Variants in UBE2V2 observed in about 807,000 individuals in gnomAD.
UBE2V2 encodes ubiquitin conjugating enzyme E2 V2, also known as ubiquitin-conjugating enzyme E2 variant 2.
Under a neutral mutation model 17.2 loss-of-function variants are expected in UBE2V2, and 9 were observed. That is an observed-to-expected ratio of 0.52 (90% CI 0.32 to 0.91). The LOEUF is 0.91. UBE2V2 is among the 40% of genes least tolerant of loss of function. UBE2V2 has a pLI of 0.04. For missense variants in UBE2V2, 133 were observed against 182.6 expected (o/e 0.73, Z 1.56); for synonymous variants, 61 against 57.5 (o/e 1.06, Z -0.28).
chr8:48,021,073 A>G (rs894981908), intron 1 of UBE2V2, among the ~76,000 whole-genome samples: 1 of 141,088 alleles, frequency 7.1e-6, no homozygotes, highest in Non-Finnish European at 1.6e-5. Flanking sequence ...TTTATCTATT[A>G]TAGGTTTTTT....
intron 1 of UBE2V2, chr8:48,041,679 AG>A (rs1209994618): frequency 6.6e-6 from 1 of 152,242 alleles, no homozygotes; most frequent in East Asian, 1.9e-4. Flanking sequence ...AAAAAAAGGT[AG>A]GAATACTTTC....
At chr8:48,010,689 G>C (rs369592349) in intron 1 of UBE2V2, among the ~76,000 whole-genome samples, 54 of 146,600 alleles carry the variant, frequency 3.7e-4, no homozygotes, top group African/African-American at 6.5e-4. Flanking sequence ...ACTGCGCCTG[G>C]GTTTGTTTGT....
intron 1 of UBE2V2, among the ~76,000 whole-genome samples, chr8:48,021,346 G>A (rs1365758705): frequency 1.2e-4 from 16 of 131,972 alleles, no homozygotes; most frequent in South Asian, 1.2e-3. Context: ...TCGCTCTGTC[G>A]CCCACGCTGG....
At chr8:48,039,217 A>G (rs1375783078) in intron 1 of UBE2V2, among the ~76,000 whole-genome samples, 3 of 152,148 alleles carry the variant, frequency 2.0e-5, no homozygotes, top group South Asian at 2.1e-4. Flanking sequence ...TGATTTTTAA[A>G]TATCTTTTCC....
At chr8:48,003,001 A>G in the UBE2V2 span, among the ~76,000 whole-genome samples, 101 of 152,044 alleles carry the variant, frequency 6.6e-4, no homozygotes, top group Non-Finnish European at 9.3e-4. Flanking sequence ...CATGAGGTCA[A>G]GAGATTGAGA....
At chr8:48,038,042 TTC>T (rs988662055) in intron 1 of UBE2V2, among the ~76,000 whole-genome samples, 11 of 152,140 alleles carry the variant, frequency 7.2e-5, no homozygotes, top group Admixed American at 5.2e-4. Flanking sequence ...TTGCCCAGCA[TTC>T]TCTCTCTCTT....
At chr8:47,999,883 G>A in the UBE2V2 span, among the ~76,000 whole-genome samples, 2 of 152,300 alleles carry the variant, frequency 1.3e-5, no homozygotes, top group South Asian at 4.1e-4. Context: ...CAACTCTAAG[G>A]GGGTCCACAT....
intron 1 of UBE2V2, among the ~76,000 whole-genome samples, chr8:48,028,338 CTT>C (rs775995878): frequency 1.4e-4 from 18 of 127,264 alleles, no homozygotes; most frequent in Non-Finnish European, 1.5e-4. Flanking sequence ...CGGCTGTTTT[CTT>C]TTTTTTTTTT....
In UBE2V2 at chr8:48,043,038, A is replaced by G; in HGVS notation, c.22A>G (p.Lys8Glu). The change falls in exon 2 of 4, where the codon AAA becomes GAA. Residue 8 changes from lysine to glutamate, a missense_variant. Lys to Glu is a moderately conservative substitution (Grantham distance 56). Around this residue, in one of 3 missense-constraint regions of UBE2V2, gnomAD observed 27 missense variants for 20.1 expected, o/e 1.34. Coordinates refer to ENST00000523111, the MANE Select transcript of UBE2V2 (RefSeq NM_003350.3). ...ACTGACGTTCTTTTGTATAGGAGTT[A>G]AAGTTCCTCGTAATTTTCGCTTGTT... MAVSTGVKVPRNFRLLEE... is the reference protein window; with the variant it reads MAVSTGVEVPRNFRLLEE... The G allele has an allele frequency of 6.4e-7, 1 of 1,560,736 alleles. No homozygotes were observed. The highest frequency in any genetic ancestry group is 1.2e-5 in the South Asian group (1 of 81,104).
chr8:48,025,289 A>G (rs981580277), intron 1 of UBE2V2, among the ~76,000 whole-genome samples: 2 of 140,938 alleles, frequency 1.4e-5, no homozygotes, highest in Non-Finnish European at 1.5e-5. Context: ...TTTTTTTGAG[A>G]TGGAGTCTCA....
intron 1 of UBE2V2, among the ~76,000 whole-genome samples, chr8:48,040,448 C>G (rs2091454017): frequency 6.6e-6 from 1 of 152,142 alleles, no homozygotes; most frequent in Admixed American, 6.6e-5. Context: ...TGCCTCTATT[C>G]TCTTTACTGA....
At chr8:48,046,188 C>G (rs368703782) in intron 2 of UBE2V2, among the ~76,000 whole-genome samples, 1 of 151,960 alleles carries the variant, frequency 6.6e-6, no homozygotes, top group South Asian at 2.1e-4. Flanking sequence ...GGCGCCATCT[C>G]GGCTCACTGC....
At chr8:48,056,037 C>T (rs771251521) in intron 3 of UBE2V2, among the ~76,000 whole-genome samples, 1 of 152,158 alleles carries the variant, frequency 6.6e-6, no homozygotes, top group African/African-American at 2.4e-5. Context: ...GGATTACAGG[C>T]GTGAGCCACG....
rs1334789056 is a variant in UBE2V2, at chr8:48,060,799, C to A, written c.409C>A (p.Pro137Thr). The change falls in exon 4 of 4, where the codon CCA (proline) becomes ACA (threonine). Residue 137 changes from proline (P) to threonine (T), a missense_variant. By Grantham distance (38) the Pro-to-Thr change is conservative (BLOSUM62 -1). Coordinates refer to ENST00000523111, the MANE Select transcript of UBE2V2 (RefSeq NM_003350.3). ...MSKENMKLPQ[P>T]PEGQTYNN ...CAAAGAAAATATGAAGCTTCCACAG[C>A]CACCAGAAGGACAAACATACAACAA... 2 of 1,547,504 alleles carry A rather than the reference C, an allele frequency of 1.3e-6. No individual in the cohort carries two copies. The highest frequency in any genetic ancestry group is 1.7e-6 in the Non-Finnish European group (2 of 1,148,972).
intron 2 of UBE2V2, among the ~76,000 whole-genome samples, chr8:48,044,042 A>G (rs1470499304): frequency 6.6e-6 from 1 of 151,552 alleles, no homozygotes; most frequent in African/African-American, 2.4e-5. Context: ...AAGAGCACAC[A>G]TTTGAAGGGT....
rs1336823968 is a variant in UBE2V2, at chr8:48,049,867, CAG to C, written c.182_183del (p.Arg61AsnfsTer3). On this transcript the variant is annotated frameshift_variant, in exon 3 of 4. Coordinates refer to ENST00000523111, the MANE Select transcript of UBE2V2 (RefSeq NM_003350.3). LOFTEE classifies it high-confidence loss of function. ...TTGCCTTCCAGACAAATTATGAAAACAGAATATATAGCCTGAAAGTAGAATGT... is the reference window on the plus strand; with the variant it reads ...TTGCCTTCCAGACAAATTATGAAAACAATATATAGCCTGAAAGTAGAATGT... ...IGPPRTNYEN[R>X]IYSLKVECGP... 1.3e-6 allele frequency: 2 copies of C among 1,582,002 alleles called. No individual in the cohort carries two copies. Among genetic ancestry groups the C allele is most frequent in the Non-Finnish European group, 1.7e-6 (2 of 1,168,194 alleles).
At chr8:48,058,637 T>G (rs567536663) in intron 3 of UBE2V2, among the ~76,000 whole-genome samples, 1 of 152,096 alleles carries the variant, frequency 6.6e-6, no homozygotes, top group Non-Finnish European at 1.5e-5. Flanking sequence ...ATCTTATTCT[T>G]CATCTTAGGA....
chr8:48,004,530 G>GT (rs902937559), upstream of UBE2V2, among the ~76,000 whole-genome samples: 15 of 134,266 alleles, frequency 1.1e-4, no homozygotes, highest in Admixed American at 2.2e-4. Context: ...TTTTTGTTTT[G>GT]TTTTTTTGTT....
chr8:48,050,870 T>C (rs2091532393), intron 3 of UBE2V2, among the ~76,000 whole-genome samples: 1 of 151,980 alleles, frequency 6.6e-6, no homozygotes, highest in African/African-American at 2.4e-5. Context: ...TGAGCATCAT[T>C]GTCTATTTAT....
Sources: allele counts gnomAD v4.1 joint callset (sites outside exome capture counted in the v4.1 genomes callset), GRCh38; gene constraint gnomAD v4.1.1; regional missense constraint gnomAD v4.1.1; transcripts MANE v1.5; gene names NCBI Gene and HGNC (gene_info 2026-07-23, HGNC 2026-07-21).